The following CNTN5 variants were observed in gnomAD, a reference collection of about 807,000 sequenced individuals.
CNTN5 encodes contactin-5.
In CNTN5, 77 loss-of-function variants were observed where a neutral mutation model predicts 129.1. That is an observed-to-expected ratio of 0.60 (90% CI 0.50 to 0.72). CNTN5 has a LOEUF of 0.72. Among genes scored for constraint, CNTN5 ranks in the 30% least tolerant of loss-of-function variants. The pLI is 0.00. For missense variants in CNTN5, 1,478 were observed against 1,328.8 expected, an observed-to-expected ratio of 1.11 and a Z score of -1.75; for synonymous variants, 509 against 465.6, an observed-to-expected ratio of 1.09 and a Z score of -1.20.
chr11:100,127,514 A>T lies in CNTN5; in HGVS notation c.1580+53220A>T, dbSNP rs150547112. Among the ~76,000 whole-genome samples, 854 of 152,138 alleles carry T rather than the reference A, an allele frequency of 5.6e-3. 6 individuals carry two copies. Among genetic ancestry groups the T allele is most frequent in the African/African-American group, 0.019 (796 of 41,522 alleles). On this transcript the variant is annotated intron_variant, in intron 13 of 24. Coordinates refer to ENST00000524871, the MANE Select transcript of CNTN5 (RefSeq NM_014361.4). Reference sequence around the variant, plus strand: ...TTGTATCAGTTATGATGGAGTTTTCATTCCCTGGAAGTGGTTAAGTTCAAG... The same window carrying T: ...TTGTATCAGTTATGATGGAGTTTTCTTTCCCTGGAAGTGGTTAAGTTCAAG...
At chr11:100,172,607 T>C (rs546365959) in intron 13 of CNTN5, among the ~76,000 whole-genome samples, 1 of 151,914 alleles carries the variant, frequency 6.6e-6, no homozygotes, top group South Asian at 2.1e-4. Context: ...TGATAAGTAA[T>C]GTATTAGATA....
At chr11:99,629,899 AAAT>A (rs1470824141) in intron 3 of CNTN5, among the ~76,000 whole-genome samples, 10 of 151,902 alleles carry the variant, frequency 6.6e-5, no homozygotes, top group Admixed American at 1.3e-4. Context: ...TATTTGATAA[AAAT>A]AATACTTGAT....
intron 21 of CNTN5, among the ~76,000 whole-genome samples, chr11:100,335,629 G>A (rs533573656): frequency 9.2e-5 from 14 of 152,160 alleles, no homozygotes; most frequent in African/African-American, 1.9e-4. Flanking sequence ...TTAGCCAGGC[G>A]TGGTGGTAGG....
At chr11:100,237,814 C>T (rs994522425) in intron 16 of CNTN5, among the ~76,000 whole-genome samples, 1 of 152,082 alleles carries the variant, frequency 6.6e-6, no homozygotes, top group African/African-American at 2.4e-5. Context: ...TTTCATAGAA[C>T]ATTACATGTA....
At chr11:100,045,857 C>T (rs1336156392) in intron 9 of CNTN5, among the ~76,000 whole-genome samples, 2 of 151,930 alleles carry the variant, frequency 1.3e-5, no homozygotes, top group African/African-American at 4.8e-5. Context: ...ATTCGCCCAC[C>T]AAAATTGATA....
At chr11:99,528,453 G>A (rs1018858087) in intron 2 of CNTN5, among the ~76,000 whole-genome samples, 30 of 152,140 alleles carry the variant, frequency 2.0e-4, no homozygotes, top group South Asian at 2.1e-4. Flanking sequence ...CTTTATAACT[G>A]GAGTCATCTG....
chr11:99,395,731 G>A (rs11219755), intron 2 of CNTN5, among the ~76,000 whole-genome samples: 34,209 of 151,760 alleles, frequency 0.23, 4,713 homozygotes, highest in Middle Eastern at 0.34. Context: ...ATGATGTAAG[G>A]AAGGGGTCCA....
intron 3 of CNTN5, among the ~76,000 whole-genome samples, chr11:99,584,594 T>C (rs545475499): frequency 1.3e-5 from 2 of 152,214 alleles, no homozygotes; most frequent in South Asian, 4.2e-4. Flanking sequence ...CAATAATATC[T>C]CCCATGAAAC....
chr11:100,316,989 G>A (rs1175271453), intron 21 of CNTN5, among the ~76,000 whole-genome samples: 4 of 152,178 alleles, frequency 2.6e-5, no homozygotes, highest in South Asian at 2.1e-4. Flanking sequence ...TTTGGGCTAC[G>A]TGCAAGGTTC....
chr11:99,558,569 C>G (rs1050890424), intron 3 of CNTN5, among the ~76,000 whole-genome samples: 2 of 151,776 alleles, frequency 1.3e-5, no homozygotes, highest in African/African-American at 4.8e-5. Context: ...AATATTGTTT[C>G]CTCAAATAAA....
chr11:99,597,250 T>G (rs1387334961), intron 3 of CNTN5, among the ~76,000 whole-genome samples: 1 of 152,162 alleles, frequency 6.6e-6, no homozygotes, highest in East Asian at 1.9e-4. Context: ...TGTTCTTGGT[T>G]CTGAAGCCTC....
At chr11:99,344,329 T>A (rs749744323) in intron 2 of CNTN5, among the ~76,000 whole-genome samples, 1 of 151,842 alleles carries the variant, frequency 6.6e-6, no homozygotes, top group African/African-American at 2.4e-5. Context: ...CTGAAAAGAA[T>A]AGGAAAAAAA....
chr11:100,001,030 G>C lies in CNTN5; in HGVS notation c.878-1004G>C, dbSNP rs561252629. Among the ~76,000 whole-genome samples the C allele has an allele frequency of 3.1e-4, 47 of 152,296 alleles. 1 individual carries two copies. Among genetic ancestry groups the C allele is most frequent in the African/African-American group, 1.1e-3 (47 of 41,566 alleles). ...GGCGTCCAGGCCTGTGATGAGAGGG[G>C]CTGCTATGAAGATCTCTGAAATTCC... On this transcript the variant is annotated intron_variant, in intron 8 of 24. Transcript: ENST00000524871.
At chr11:99,598,401 C>CCTTCCTCT (rs1950209193) in intron 3 of CNTN5, among the ~76,000 whole-genome samples, 1 of 136,158 alleles carries the variant, frequency 7.3e-6, no homozygotes, top group Non-Finnish European at 1.6e-5. Flanking sequence ...TCCTTCCTTC[C>CCTTCCTCT]CTCCCTCTCT....
At chr11:99,057,965 A>G (rs1864701540) in intron 1 of CNTN5, among the ~76,000 whole-genome samples, 1 of 152,042 alleles carries the variant, frequency 6.6e-6, no homozygotes, top group South Asian at 2.1e-4. Flanking sequence ...AAGGAAAATA[A>G]TATTCTAGGT....
intron 3 of CNTN5, among the ~76,000 whole-genome samples, chr11:99,618,504 C>G (rs1478900831): frequency 6.6e-6 from 1 of 152,170 alleles, no homozygotes; most frequent in South Asian, 2.1e-4. Flanking sequence ...CCAAATTTAA[C>G]TGTTCTTTGT....
intron 10 of CNTN5, among the ~76,000 whole-genome samples, chr11:100,063,057 C>T (rs747793091): frequency 4.1e-4 from 62 of 152,206 alleles, no homozygotes; most frequent in Non-Finnish European, 7.4e-5. Flanking sequence ...ATGCCTGTTA[C>T]TCTGAAGGCT....
chr11:100,098,289 A>C lies in CNTN5; in HGVS notation c.1580+23995A>C, dbSNP rs540504729. ...ATATTATTCATCTTTTGTTGTATTC[A>C]AAGATAAGAAAGTAGTGATTACTTA... On this transcript the variant is annotated intron_variant, in intron 13 of 24. Transcript: ENST00000524871. 1.8e-4 allele frequency among the ~76,000 whole-genome samples: 27 copies of C among 152,202 alleles called. No individual in the cohort carries two copies. The South Asian group carries it at 5.6e-3, about 32-fold the overall frequency.
At chr11:99,365,254 CTATATGGAT>C (rs1565523885) in intron 2 of CNTN5, among the ~76,000 whole-genome samples, 2 of 152,118 alleles carry the variant, frequency 1.3e-5, no homozygotes, top group African/African-American at 4.8e-5. Flanking sequence ...CATAGAGTGG[CTATATGGAT>C]TTGTTGAAAA....
Sources: allele counts gnomAD v4.1 joint callset (sites outside exome capture counted in the v4.1 genomes callset), GRCh38; gene constraint gnomAD v4.1.1; transcripts MANE v1.5; gene names NCBI Gene and HGNC (gene_info 2026-07-23, HGNC 2026-07-21).